The following NFASC variants were observed in gnomAD, a reference collection of about 807,000 sequenced individuals.
The protein encoded by NFASC is neurofascin, also known as neurofascin homolog.
A neutral mutation model predicts 147.5 loss-of-function variants in NFASC; 43 were observed. The observed-to-expected ratio is 0.29, with a 90% CI of 0.23 to 0.38. The LOEUF is 0.38. Ranked by LOEUF, NFASC falls within the 10% of genes least tolerant of loss-of-function variation. NFASC has a pLI of 1.00. For synonymous variants in NFASC, 622 were observed against 665.5 expected (o/e 0.93, Z 1.01); for missense variants, 1,320 against 1,689.0 (o/e 0.78, Z 3.83).
intron 1 of NFASC, among the ~76,000 whole-genome samples, chr1:204,863,783 G>A (rs2076873372): frequency 6.6e-6 from 1 of 151,050 alleles, no homozygotes; most frequent in South Asian, 2.1e-4. Context: ...AGGGGGCAGA[G>A]GTTGCAGTGA....
chr1:204,909,230 A>C (rs1164845409), intron 1 of NFASC, among the ~76,000 whole-genome samples: 1 of 152,204 alleles, frequency 6.6e-6, no homozygotes, highest in Non-Finnish European at 1.5e-5. Context: ...ATTTCTCCAC[A>C]TCTGCACCAG....
intron 27 of NFASC, among the ~76,000 whole-genome samples, chr1:205,003,777 G>T (rs900848956): frequency 6.6e-6 from 1 of 152,212 alleles, no homozygotes; most frequent in African/African-American, 2.4e-5. Context: ...GGCCTGGCGA[G>T]GCTGATCCTG....
At chr1:204,896,621 C>T (rs1453078255) in intron 1 of NFASC, among the ~76,000 whole-genome samples, 2 of 152,140 alleles carry the variant, frequency 1.3e-5, no homozygotes, top group Non-Finnish European at 2.9e-5. Flanking sequence ...TTCATTTGTT[C>T]GTTTAGTCAT....
In NFASC at chr1:204,901,818, A is replaced by G. The variant is rs771013744; in HGVS notation, c.-199-18814A>G. On this transcript the variant is annotated intron_variant, in intron 1 of 29. Transcript: ENST00000339876. ...GGAGGTAGAGGAGGATTGCTGGAGC[A>G]TTGCCCCAGAGCACTGTCCCTGGAG... is the stretch of plus-strand genomic sequence containing the variant. 1.1e-4 allele frequency among the ~76,000 whole-genome samples: 16 copies of G among 152,042 alleles called. 1 individual carries two copies. The highest frequency in any genetic ancestry group is 6.3e-3 in the Middle Eastern group (2 of 316).
intron 1 of NFASC, among the ~76,000 whole-genome samples, chr1:204,904,045 G>A (rs2085235320): frequency 6.6e-6 from 1 of 152,180 alleles, no homozygotes; most frequent in African/African-American, 2.4e-5. Flanking sequence ...CCTTGGACAA[G>A]TTATTTAACA....
At chr1:204,864,712 T>A (rs571715788) in intron 1 of NFASC, among the ~76,000 whole-genome samples, 11 of 152,202 alleles carry the variant, frequency 7.2e-5, no homozygotes, top group African/African-American at 2.4e-4. Flanking sequence ...TCCTTGCTGT[T>A]TTTAAATTGG....
intron 1 of NFASC, 22 bp from the exon 2 acceptor site, chr1:204,920,610 C>G: frequency 8.2e-7 from 1 of 1,214,808 alleles, no homozygotes; most frequent in Non-Finnish European, 1.1e-6. Context: ...CTGGGGTTCT[C>G]CTTTGTGCTT....
chr1:204,848,265 C>G (rs2075354002), intron 1 of NFASC, among the ~76,000 whole-genome samples: 1 of 152,186 alleles, frequency 6.6e-6, no homozygotes. Flanking sequence ...GGATCTTGCT[C>G]TGTCACCCAG....
At chr1:204,948,549 G>A (rs948840648) in intron 3 of NFASC, 17 of 517,286 alleles carry the variant, frequency 3.3e-5, no homozygotes, top group African/African-American at 1.4e-4. Context: ...CAGCTGGCTC[G>A]CTCACCTCTC....
At chr1:204,895,184 A>G (rs1269438770) in intron 1 of NFASC, among the ~76,000 whole-genome samples, 1 of 152,142 alleles carries the variant, frequency 6.6e-6, no homozygotes, top group Non-Finnish European at 1.5e-5. Flanking sequence ...CTTCCTGCCC[A>G]TAAGAACAGC....
At chr1:204,944,471 G>C in intron 3 of NFASC, 65 bp downstream of exon 3, 1 of 881,750 alleles carries the variant, frequency 1.1e-6, no homozygotes, top group Non-Finnish European at 1.7e-6. Context: ...GGGAGGGGAG[G>C]GAAGGTCAGA....
Position 204,985,587 on chromosome 1 carries a change from G to A in NFASC, c.2471-1831G>A, listed in dbSNP as rs144399041. On this transcript the variant is annotated intron_variant, in intron 21 of 29. Transcript: ENST00000339876. ...CTGGCACGGACTCCCTGAGCAACCT[G>A]GTACCCACCTTGGAAATCAGTCTCA... 1.1e-3 allele frequency among the ~76,000 whole-genome samples: 175 copies of A among 152,196 alleles called. 1 individual carries two copies. The East Asian group carries it at 0.018, about 16-fold the overall frequency.
chr1:204,921,400 G>T (rs1361529192), intron 2 of NFASC, among the ~76,000 whole-genome samples: 2 of 152,210 alleles, frequency 1.3e-5, no homozygotes, highest in African/African-American at 4.8e-5. Flanking sequence ...GGAGGCTGCT[G>T]GGCTGAGAGG....
rs1471360613 is a variant in NFASC at position 204,979,315 on chromosome 1, C to G, written c.1979-47C>G. On this transcript the variant is annotated intron_variant, in intron 18 of 29. Transcript: ENST00000339876. The surrounding 1 kb of genome is among the most constrained non-coding windows in gnomAD (Gnocchi z 6.0). ...AAGGAAGTGCTTTTAAAGAAGACCA[C>G]TGCTAACTGAGCTCCCGAAACAGCT... The G allele has an allele frequency of 5.4e-6, 8 of 1,472,592 alleles. No homozygotes were observed. The highest frequency in any genetic ancestry group is 6.7e-6 in the Non-Finnish European group (7 of 1,051,514). The allele number at this position is 1,472,592 out of a possible 1,614,324, so 91.2% of individuals were successfully genotyped here.
chr1:204,932,998 A>G (rs943424761), intron 2 of NFASC, among the ~76,000 whole-genome samples: 12 of 152,194 alleles, frequency 7.9e-5, no homozygotes, highest in Non-Finnish European at 1.6e-4. Context: ...GTGCTACAGC[A>G]TGCAGTTAAA....
intron 3 of NFASC, chr1:204,946,489 A>G: frequency 2.4e-6 from 1 of 412,848 alleles, no homozygotes; most frequent in South Asian, 1.7e-5. Context: ...TGCCCCACAC[A>G]CATGGCACCT....
At chr1:204,843,498 T>C (rs894238105) in intron 1 of NFASC, among the ~76,000 whole-genome samples, 4 of 152,152 alleles carry the variant, frequency 2.6e-5, no homozygotes, top group African/African-American at 9.7e-5. Context: ...CTCAGATTGT[T>C]TTTGCTCCAA....
intron 1 of NFASC, among the ~76,000 whole-genome samples, chr1:204,894,847 G>A (rs1201759091): frequency 1.3e-5 from 2 of 152,014 alleles, no homozygotes; most frequent in Admixed American, 1.3e-4. Flanking sequence ...GACTATTCCC[G>A]ATTTGGACAC....
intron 1 of NFASC, among the ~76,000 whole-genome samples, chr1:204,915,666 C>T (rs2089047803): frequency 6.6e-6 from 1 of 152,062 alleles, no homozygotes; most frequent in African/African-American, 2.4e-5. Context: ...AGTAAGAATC[C>T]TGAGAGACAG....
Sources: allele counts gnomAD v4.1 joint callset (sites outside exome capture counted in the v4.1 genomes callset), GRCh38; gene constraint gnomAD v4.1.1; non-coding constraint Gnocchi (gnomAD v3.1); transcripts MANE v1.5; gene names NCBI Gene and HGNC (gene_info 2026-07-23, HGNC 2026-07-21).